Variants in ATR observed in about 807,000 individuals in gnomAD.
ATR encodes the protein serine/threonine-protein kinase ATR.
Under a neutral mutation model 305.3 loss-of-function variants are expected in ATR, and 142 were observed. The observed-to-expected ratio is 0.47, with a 90% CI of 0.41 to 0.53. The LOEUF is 0.53. ATR is among the 20% of genes least tolerant of loss of function. The pLI is 0.00. For missense variants in ATR, 2,135 were observed against 3,133.1 expected (o/e 0.68, Z 7.60); for synonymous variants, 1,050 against 1,068.1 (o/e 0.98, Z 0.33).
At position 142,559,250 on chromosome 3, in the gene ATR, C is replaced by T. The variant is rs1224439972; in HGVS notation, c.1732+1G>A. 1 of 1,612,450 alleles carries T rather than the reference C, an allele frequency of 6.2e-7. No homozygotes were observed. Among genetic ancestry groups the T allele is most frequent in the East Asian group, 2.2e-5 (1 of 44,804 alleles). On this transcript the variant is annotated splice_donor_variant, in intron 7 of 46. Transcript: ENST00000350721. LOFTEE classifies it high-confidence loss of function. ...CTGATCTGTTGCTAATTTGTACTCA[C>T]CTTGCATATAAATCAAAGCATCATA...
At chr3:142,474,520 T>C (rs895636258) in intron 36 of ATR, among the ~76,000 whole-genome samples, 1 of 152,232 alleles carries the variant, frequency 6.6e-6, no homozygotes, top group Admixed American at 6.5e-5. Flanking sequence ...TCTTAATTTA[T>C]CTGCAAGTAC....
Position 142,461,924 on chromosome 3 carries a change from G to T in ATR, c.7192+16C>A. The T allele has an allele frequency of 6.2e-7, 1 of 1,609,986 alleles. No homozygotes were observed. The highest frequency in any genetic ancestry group is 2.2e-5 in the East Asian group (1 of 44,712). On this transcript the variant is annotated intron_variant, in intron 42 of 46. Coordinates refer to ENST00000350721, the MANE Select transcript of ATR (RefSeq NM_001184.4). ...TAGTACCCACACTGTATATGTATAA[G>T]AATTAATTTTAGTACCCTTTTCTTT...
chr3:142,510,816 A>T (rs967201657), intron 27 of ATR, among the ~76,000 whole-genome samples: 51 of 152,208 alleles, frequency 3.4e-4, no homozygotes, highest in African/African-American at 1.2e-3. Context: ...GAAAAAAAAA[A>T]AAGGTTCAAA....
chr3:142,457,518 G>C, intron 45 of ATR, 86 bp downstream of exon 45: 1 of 1,526,422 alleles, frequency 6.6e-7, no homozygotes, highest in Non-Finnish European at 9.0e-7. Context: ...GTACAAAGTG[G>C]TTTCTACATA....
intron 42 of ATR, among the ~76,000 whole-genome samples, chr3:142,460,825 C>T (rs1295269351): frequency 6.6e-6 from 1 of 152,124 alleles, no homozygotes; most frequent in East Asian, 1.9e-4. Context: ...CAAAAAGTTG[C>T]ATCAATGATA....
At chr3:142,503,270 T>C in intron 30 of ATR, 92 bp downstream of exon 30, 1 of 883,558 alleles carries the variant, frequency 1.1e-6, no homozygotes, top group East Asian at 2.6e-5. Flanking sequence ...AAACATTTAT[T>C]ACTCTACTAA....
chr3:142,576,166 A>G (rs1016782377), intron 1 of ATR, among the ~76,000 whole-genome samples: 3 of 152,226 alleles, frequency 2.0e-5, no homozygotes, highest in African/African-American at 7.2e-5. Flanking sequence ...TGTCAGAACT[A>G]ACTTATGGAT....
intron 23 of ATR, among the ~76,000 whole-genome samples, chr3:142,520,118 G>A (rs530818232): frequency 5.3e-4 from 81 of 152,218 alleles, no homozygotes; most frequent in African/African-American, 1.6e-3. Context: ...TATGATCAGT[G>A]ATCTTTGATG....
intron 39 of ATR, among the ~76,000 whole-genome samples, chr3:142,467,513 C>T (rs537835069): frequency 1.9e-3 from 294 of 152,188 alleles, no homozygotes; most frequent in Non-Finnish European, 3.2e-3. Context: ...AAACCCCAAC[C>T]CTCTTCCCTA....
intron 14 of ATR, 75 bp downstream of exon 14, chr3:142,550,057 C>A: frequency 1.3e-6 from 2 of 1,563,320 alleles, no homozygotes; most frequent in Non-Finnish European, 1.8e-6. Context: ...AATCTCATAT[C>A]AAAGTCAAAA....
rs756224797 is a variant in ATR at position 142,497,182 on chromosome 3, A to G, written c.5569T>C (p.Leu1857=). 2 of 1,614,006 alleles carry G rather than the reference A, an allele frequency of 1.2e-6. No homozygotes were observed. The highest frequency in any genetic ancestry group is 1.7e-5 in the Admixed American group (1 of 60,018). ...GYEYIVRLHM[L]CELEHSIKPL... ...TTGATGCTATGCTCCAACTCACATA[A>G]CATGTGCAATCTGAAGATAGATAGA... The change falls in exon 33 of 47, where the codon TTA becomes CTA. Residue 1857 remains leucine (L), a synonymous_variant. Coordinates refer to ENST00000350721, the MANE Select transcript of ATR (RefSeq NM_001184.4).
chr3:142,546,161 G>A (rs2034261332), intron 16 of ATR, among the ~76,000 whole-genome samples: 1 of 152,112 alleles, frequency 6.6e-6, no homozygotes, highest in South Asian at 2.1e-4. Context: ...GAGAGAGTAT[G>A]GTATTCATAT....
intron 36 of ATR, among the ~76,000 whole-genome samples, chr3:142,479,165 G>A (rs2030210155): frequency 6.6e-6 from 1 of 152,124 alleles, no homozygotes; most frequent in African/African-American, 2.4e-5. Context: ...GTTAGTTGAT[G>A]CAGTTTCTTC....
At chr3:142,538,731 T>C (rs2033949121) in intron 18 of ATR, 106 bp from the exon 19 acceptor site, 5 of 1,395,968 alleles carry the variant, frequency 3.6e-6, no homozygotes, top group East Asian at 2.5e-5. Context: ...AAACAATAGA[T>C]TAAAAGGCAG....
Position 142,508,007 on chromosome 3 carries a change from G to A in ATR, c.4955C>T (p.Thr1652Ile). 1 of 1,613,354 alleles carries A rather than the reference G, an allele frequency of 6.2e-7. No homozygotes were observed. Among genetic ancestry groups the A allele is most frequent in the Middle Eastern group, 1.7e-4 (1 of 6,060 alleles). ...TGATTCAAAGTGCATTACAGCTCGTGTGTATGCTTTGGAGCGAAAGGAAGC... is the reference window on the plus strand; with the variant it reads ...TGATTCAAAGTGCATTACAGCTCGTATGTATGCTTTGGAGCGAAAGGAAGC... Reference protein sequence around the residue: ...AVASFRSKAYTRAVMHFESFI... With the variant: ...AVASFRSKAYIRAVMHFESFI... The change falls in exon 28 of 47, where the codon ACA becomes ATA. Residue 1652 changes from threonine (T) to isoleucine (I), a missense_variant. Physicochemically the swap from Thr to Ile is moderately conservative, Grantham distance 89. Coordinates refer to ENST00000350721, the MANE Select transcript of ATR (RefSeq NM_001184.4).
intron 24 of ATR, among the ~76,000 whole-genome samples, chr3:142,516,385 G>A (rs971799219): frequency 2.0e-5 from 3 of 152,154 alleles, no homozygotes; most frequent in Non-Finnish European, 4.4e-5. Context: ...ACTGATACAG[G>A]AAAATCACTA....
chr3:142,487,668 G>A (rs1423867404), intron 35 of ATR, among the ~76,000 whole-genome samples: 2 of 151,980 alleles, frequency 1.3e-5, no homozygotes, highest in Non-Finnish European at 2.9e-5. Context: ...GGACATGCTG[G>A]GTCATATTCC....
rs756385595 is a variant in ATR, at chr3:142,497,037, C to T, written c.5714G>A (p.Arg1905Lys). The T allele has an allele frequency of 6.2e-7, 1 of 1,613,106 alleles. No homozygotes were observed. Among genetic ancestry groups the T allele is most frequent in the South Asian group, 1.1e-5 (1 of 90,902 alleles). The change falls in exon 33 of 47, where the codon AGG becomes AAG. Residue 1905 changes from arginine to lysine, a missense_variant. Around this residue, in one of 9 missense-constraint regions of ATR, gnomAD observed 30 missense variants for 26.7 expected, o/e 1.12. Coordinates refer to ENST00000350721, the MANE Select transcript of ATR (RefSeq NM_001184.4). ...CCTTTTGTTGAGGCTTAGTAAAGCC[C>T]TCCGGAGAGCCAGGATAGGCTCCTT... ...RAKEPILALR[R>K]ALLSLNKRPD...
chr3:142,558,576 A>T, intron 8 of ATR, 48 bp downstream of exon 8: 1 of 1,472,556 alleles, frequency 6.8e-7, no homozygotes, highest in Non-Finnish European at 9.4e-7. Context: ...ATAGATAGAT[A>T]GATAGATAAA....
Sources: gnomAD v4.1 joint callset for allele counts (sites outside exome capture counted in the v4.1 genomes callset) on GRCh38, gnomAD v4.1.1 for gene constraint, gnomAD v4.1.1 regional missense constraint, MANE v1.5 for transcripts, NCBI Gene and HGNC (gene_info 2026-07-23, HGNC 2026-07-21) for gene names.